Variants in LDB2 observed in about 807,000 individuals in gnomAD.
The protein encoded by LDB2 is LIM domain binding 2.
In LDB2, 12 loss-of-function variants were observed where a neutral mutation model predicts 44.3. The ratio of observed to expected loss-of-function variants is 0.27; its 90% CI spans 0.17 to 0.44. The LOEUF (loss-of-function observed/expected upper bound fraction) is 0.44. Ranked by LOEUF, LDB2 falls within the 20% of genes least tolerant of loss-of-function variation. The pLI is 1.00. For missense variants in LDB2, 344 were observed against 473.5 expected (o/e 0.73, Z 2.54); for synonymous variants, 164 against 174.8 (o/e 0.94, Z 0.49).
At chr4:16,799,346 C>G (rs1777330921) in intron 1 of LDB2, among the ~76,000 whole-genome samples, 1 of 152,344 alleles carries the variant, frequency 6.6e-6, no homozygotes. Context: ...CTCAAACAGA[C>G]ACATAGTAGG....
intron 1 of LDB2, among the ~76,000 whole-genome samples, chr4:16,844,424 C>T (rs1435202206): frequency 1.3e-5 from 2 of 152,104 alleles, no homozygotes; most frequent in East Asian, 1.9e-4. Flanking sequence ...TCTGCAGTTG[C>T]ACATCTGGAA....
intron 3 of LDB2, among the ~76,000 whole-genome samples, chr4:16,590,494 C>T (rs6812263): frequency 0.97 from 147,869 of 152,344 alleles, 71,889 homozygotes; most frequent in Non-Finnish European, 1. Flanking sequence ...CCACCACTTA[C>T]TGAATTGCAA....
chr4:16,871,259 A>G (rs1468626696), intron 1 of LDB2, among the ~76,000 whole-genome samples: 1 of 152,224 alleles, frequency 6.6e-6, no homozygotes, highest in Admixed American at 6.5e-5. Context: ...CACTTTGAAT[A>G]TATGTAGCTT....
intron 2 of LDB2, among the ~76,000 whole-genome samples, chr4:16,743,349 C>T (rs1265166805): frequency 3.3e-5 from 5 of 151,952 alleles, no homozygotes; most frequent in Admixed American, 6.5e-5. Flanking sequence ...TGCCTCATGC[C>T]CTGGTGGTAG....
At chr4:16,660,112 A>G (rs1186097515) in intron 2 of LDB2, among the ~76,000 whole-genome samples, 2 of 152,158 alleles carry the variant, frequency 1.3e-5, no homozygotes, top group Non-Finnish European at 2.9e-5. Context: ...ACACACAGAG[A>G]AAGAATGACA....
At chr4:16,544,962 A>C (rs1228768141) in intron 5 of LDB2, among the ~76,000 whole-genome samples, 1 of 152,190 alleles carries the variant, frequency 6.6e-6, no homozygotes, top group Non-Finnish European at 1.5e-5. Context: ...GTGTGCGCCG[A>C]ATCCTGAGGC....
chr4:16,515,895 G>A lies in LDB2; in HGVS notation c.616-3791C>T, dbSNP rs112632033. On this transcript the variant is annotated intron_variant, in intron 5 of 7. Transcript: ENST00000304523. ...TTATTTATTTTTTTGAGACAGTCTC[G>A]CTCTGTCGCCCAGGCTGGAGTGCAG... 6.4e-3 allele frequency among the ~76,000 whole-genome samples: 966 copies of A among 151,358 alleles called. 9 individuals are homozygous for A. The highest frequency in any genetic ancestry group is 0.021 in the African/African-American group (864 of 41,224).
chr4:16,788,821 C>T (rs1775066344), intron 1 of LDB2, among the ~76,000 whole-genome samples: 1 of 152,216 alleles, frequency 6.6e-6, no homozygotes. Context: ...TACCCTGCCT[C>T]CTTATACTCC....
intron 2 of LDB2, among the ~76,000 whole-genome samples, chr4:16,612,781 G>C (rs1365507171): frequency 2.6e-5 from 4 of 152,134 alleles, no homozygotes; most frequent in African/African-American, 4.8e-5. Context: ...ATACAAAGAG[G>C]AGTTGTTACC....
At chr4:16,612,110 G>A (rs1039521985) in intron 2 of LDB2, among the ~76,000 whole-genome samples, 2 of 152,150 alleles carry the variant, frequency 1.3e-5, no homozygotes, top group African/African-American at 4.8e-5. Context: ...GCTTCTGAAT[G>A]ACTCCTGGGT....
At chr4:16,580,567 TA>T (rs1713980829) in intron 5 of LDB2, among the ~76,000 whole-genome samples, 1 of 152,178 alleles carries the variant, frequency 6.6e-6, no homozygotes, top group South Asian at 2.1e-4. Context: ...TTTTTGTGAC[TA>T]AAATATAGTA....
At chr4:16,892,210 G>T (rs1723616403) in intron 1 of LDB2, among the ~76,000 whole-genome samples, 2 of 152,092 alleles carry the variant, frequency 1.3e-5, no homozygotes, top group East Asian at 3.9e-4. Context: ...GCTCTCTATT[G>T]TAAGTGTGGT....
chr4:16,844,839 C>T (rs1002234539), intron 1 of LDB2, among the ~76,000 whole-genome samples: 1 of 152,148 alleles, frequency 6.6e-6, no homozygotes, highest in African/African-American at 2.4e-5. Context: ...TTTTCTTCCA[C>T]CTGCACTCAT....
chr4:16,641,499 CG>C (rs1560729497), intron 2 of LDB2, among the ~76,000 whole-genome samples: 1 of 152,010 alleles, frequency 6.6e-6, no homozygotes, highest in Admixed American at 6.6e-5. Context: ...GTAAGGGCCT[CG>C]GGGGGCTTTT....
intron 1 of LDB2, among the ~76,000 whole-genome samples, chr4:16,774,989 G>A (rs1196531426): frequency 6.6e-6 from 1 of 152,168 alleles, no homozygotes; most frequent in African/African-American, 2.4e-5. Context: ...TGCATGCTGT[G>A]TATAACATGT....
At chr4:16,618,992 C>A (rs567395396) in intron 2 of LDB2, among the ~76,000 whole-genome samples, 30 of 152,182 alleles carry the variant, frequency 2.0e-4, no homozygotes, top group Non-Finnish European at 3.8e-4. Context: ...GACATGCTGG[C>A]TTCCCCTTCG....
intron 5 of LDB2, among the ~76,000 whole-genome samples, chr4:16,529,097 G>GGTACCA (rs1729239109): frequency 1.3e-5 from 2 of 152,250 alleles, no homozygotes; most frequent in African/African-American, 4.8e-5. Flanking sequence ...ACCAGGCACT[G>GGTACCA]GGCTCAGTGC....
At chr4:16,818,145 G>A (rs537899483) in intron 1 of LDB2, among the ~76,000 whole-genome samples, 5 of 152,242 alleles carry the variant, frequency 3.3e-5, no homozygotes, top group South Asian at 4.2e-4. Context: ...ATAACTGGAA[G>A]GCCGGGCCTC....
chr4:16,618,381 C>T (rs923786319), intron 2 of LDB2, among the ~76,000 whole-genome samples: 2 of 152,202 alleles, frequency 1.3e-5, no homozygotes, highest in African/African-American at 4.8e-5. Context: ...GACAGACACC[C>T]TATCTGCCTT....
Sources: allele counts gnomAD v4.1 joint callset (sites outside exome capture counted in the v4.1 genomes callset), GRCh38; gene constraint gnomAD v4.1.1; transcripts MANE v1.5; gene names NCBI Gene and HGNC (gene_info 2026-07-23, HGNC 2026-07-21).